Variants in SOX6 observed in about 807,000 individuals in gnomAD.
SOX6 encodes the protein transcription factor SOX-6.
A neutral mutation model predicts 97.8 loss-of-function variants in SOX6; 11 were observed. That is an observed-to-expected ratio of 0.11 (90% confidence interval 0.07 to 0.19). The LOEUF is 0.19. Among genes scored for constraint, SOX6 ranks in the 10% least tolerant of loss-of-function variants. The pLI, the probability that SOX6 is intolerant of heterozygous loss-of-function variation, is 1.00. For missense variants in SOX6, 810 were observed against 1,039.5 expected (o/e 0.78, Z 3.04); for synonymous variants, 360 against 371.4 (o/e 0.97, Z 0.35).
chr11:16,281,218 T>A (rs943599154), intron 3 of SOX6, among the ~76,000 whole-genome samples: 1 of 152,090 alleles, frequency 6.6e-6, no homozygotes, highest in African/African-American at 2.4e-5. Context: ...AGATGTCAAA[T>A]GTTCAGAAGT....
In SOX6 at chr11:15,972,619, A is replaced by G. The variant is rs1307063663; in HGVS notation, c.*190T>C. ...AAAAAACAACAACAACAACAATAAC[A>G]ATAACAACAAAAAACTCAAGTTCAT... On this transcript the variant is annotated 3_prime_UTR_variant, in exon 16 of 16. Transcript: ENST00000683767. 7.9e-6 allele frequency: 5 copies of G among 631,244 alleles called. No individual in the cohort carries two copies. The highest frequency in any genetic ancestry group is 7.3e-5 in the African/African-American group (4 of 54,500). The allele number at this position is 631,244 out of a possible 1,614,324, so 39.1% of individuals were successfully genotyped here. A position where few individuals can be genotyped will look rare whatever the true frequency, so the allele number is the denominator to read the frequency against.
chr11:16,144,209 A>G (rs978130216), intron 6 of SOX6, among the ~76,000 whole-genome samples: 2 of 152,040 alleles, frequency 1.3e-5, no homozygotes, highest in African/African-American at 4.8e-5. Flanking sequence ...ACTCAAAACC[A>G]CTCAACTACA....
chr11:16,234,150 T>C (rs1277842227), intron 4 of SOX6, among the ~76,000 whole-genome samples: 1 of 152,120 alleles, frequency 6.6e-6, no homozygotes, highest in African/African-American at 2.4e-5. Flanking sequence ...AACCATTATG[T>C]ACAGCACATT....
chr11:16,233,232 G>A (rs1852912882), intron 4 of SOX6, among the ~76,000 whole-genome samples: 1 of 152,148 alleles, frequency 6.6e-6, no homozygotes, highest in African/African-American at 2.4e-5. Flanking sequence ...TACCCAAATT[G>A]TTAGTGCAAA....
chr11:16,027,319 T>C (rs554665923), intron 12 of SOX6, among the ~76,000 whole-genome samples: 84 of 152,284 alleles, frequency 5.5e-4, no homozygotes, highest in African/African-American at 1.9e-3. Context: ...GATGGAGAAG[T>C]ATATATTAAC....
intron 6 of SOX6, among the ~76,000 whole-genome samples, chr11:16,143,878 C>CT (rs1270502356): frequency 2.0e-5 from 3 of 152,160 alleles, no homozygotes; most frequent in African/African-American, 7.2e-5. Flanking sequence ...TACAAAGAGA[C>CT]TTAGACTCCC....
rs564461062 is a variant in SOX6, at chr11:16,433,432, G to C, written c.-5+42883C>G. ...GGTTTTGGTAGGCAGATGAACTCTA[G>C]AACATGTGGTCTATTAAAAGACCTT... On this transcript the variant is annotated intron_variant, in intron 1 of 15. Coordinates refer to the SOX6 transcript ENST00000396356. Among the ~76,000 whole-genome samples, 5 of 152,184 alleles carry C rather than the reference G, an allele frequency of 3.3e-5. No homozygotes were observed. In the South Asian group the frequency reaches 1.0e-3, roughly 32 times the overall value.
At chr11:16,112,376 C>T (rs1400473404) in intron 6 of SOX6, among the ~76,000 whole-genome samples, 2 of 152,096 alleles carry the variant, frequency 1.3e-5, no homozygotes, top group Admixed American at 6.6e-5. Context: ...ATTCTAAAAG[C>T]TGTATCTCCC....
chr11:16,365,572 T>C lies in SOX6; in HGVS notation c.-4-24320A>G, dbSNP rs1454012125. On this transcript the variant is annotated intron_variant, in intron 1 of 15. Coordinates refer to the SOX6 transcript ENST00000396356. ...GGCCAGAGTTTAGGAGCCAGTTCTATCAATGGGTATTTTCTCAGTCACTCA... is the reference window on the plus strand; with the variant it reads ...GGCCAGAGTTTAGGAGCCAGTTCTACCAATGGGTATTTTCTCAGTCACTCA... 2.6e-5 allele frequency among the ~76,000 whole-genome samples: 4 copies of C among 152,116 alleles called. No individual in the cohort carries two copies. The South Asian group carries it at 6.2e-4, about 24-fold the overall frequency.
intron 4 of SOX6, among the ~76,000 whole-genome samples, chr11:16,585,350 A>T (rs1848079513): frequency 6.6e-6 from 1 of 152,218 alleles, no homozygotes; most frequent in South Asian, 2.1e-4. Context: ...GCACTGTTCT[A>T]AGCACTTATA....
intron 4 of SOX6, among the ~76,000 whole-genome samples, chr11:16,520,853 C>T (rs554976215): frequency 1.1e-4 from 16 of 152,346 alleles, no homozygotes; most frequent in South Asian, 8.3e-4. Context: ...GAGGGTTCTA[C>T]GCCCACGGAG....
chr11:16,517,491 T>C lies in SOX6; in HGVS notation n.610-41103A>G, dbSNP rs1325818042. ...TGATAGAATGAAAATTCTTTGAAAA[T>C]ATAAAATTTTACAATCAAGACATCA... On this transcript the variant is annotated intron_variant and non_coding_transcript_variant, in intron 4 of 5. Transcript: ENST00000524520. Among the ~76,000 whole-genome samples the C allele has an allele frequency of 2.0e-5, 3 of 152,290 alleles. No individual in the cohort carries two copies. The South Asian group carries it at 6.2e-4, about 32-fold the overall frequency.
chr11:16,289,076 C>T (rs2134255294), intron 3 of SOX6, among the ~76,000 whole-genome samples: 1 of 151,624 alleles, frequency 6.6e-6, no homozygotes, highest in Non-Finnish European at 1.5e-5. Context: ...AGTAATGGCA[C>T]CAAAACAAAT....
intron 3 of SOX6, among the ~76,000 whole-genome samples, chr11:16,642,622 C>CT (rs1210782826): frequency 6.6e-5 from 10 of 152,242 alleles, no homozygotes; most frequent in South Asian, 2.1e-4. Flanking sequence ...TCTTTTTAGT[C>CT]TTTTTTCTCT....
At chr11:16,024,139 G>A (rs1590138143) in intron 12 of SOX6, among the ~76,000 whole-genome samples, 2 of 152,248 alleles carry the variant, frequency 1.3e-5, no homozygotes, top group East Asian at 1.9e-4. Flanking sequence ...CCAGGGATGT[G>A]TGCACATGGA....
rs118025768 is a variant in SOX6 at position 16,242,796 on chromosome 11, C to T, written c.446-8125G>A. On this transcript the variant is annotated intron_variant, in intron 3 of 15. Coordinates refer to ENST00000683767, the MANE Select transcript of SOX6 (RefSeq NM_001367873.1). Reference sequence around the variant, plus strand: ...TTACTGATAAAATATCCATTTTTATCTATTTTACTTTATATATTGGCAATC... The same window carrying T: ...TTACTGATAAAATATCCATTTTTATTTATTTTACTTTATATATTGGCAATC... 6.2e-4 allele frequency among the ~76,000 whole-genome samples: 94 copies of T among 151,970 alleles called. No homozygotes were observed. The East Asian group carries it at 0.018, about 29-fold the overall frequency.
At chr11:16,506,033 C>A (rs1311296497) in intron 4 of SOX6, among the ~76,000 whole-genome samples, 1 of 152,212 alleles carries the variant, frequency 6.6e-6, no homozygotes, top group Admixed American at 6.5e-5. Context: ...GGGTTGGAAG[C>A]CCCACACAGA....
chr11:16,202,882 T>TA (rs1465371526), intron 4 of SOX6, among the ~76,000 whole-genome samples: 1 of 152,086 alleles, frequency 6.6e-6, no homozygotes, highest in East Asian at 1.9e-4. Context: ...CAGATGAAGA[T>TA]AAAAAGGCAC....
At chr11:16,191,514 A>C (rs1851630818) in intron 4 of SOX6, among the ~76,000 whole-genome samples, 1 of 152,184 alleles carries the variant, frequency 6.6e-6, no homozygotes, top group African/African-American at 2.4e-5. Context: ...TGAAAAAATC[A>C]ACTTGGAAAA....
Sources: allele counts gnomAD v4.1 joint callset (sites outside exome capture counted in the v4.1 genomes callset), GRCh38; gene constraint gnomAD v4.1.1; transcripts MANE v1.5; gene names NCBI Gene and HGNC (gene_info 2026-07-23, HGNC 2026-07-21).